OCIAD1: variants seen among roughly 807,000 people sequenced by gnomAD.
OCIAD1 encodes OCIA domain-containing protein 1.
A neutral mutation model predicts 38.9 loss-of-function variants in OCIAD1; 29 were observed. That is an observed-to-expected ratio of 0.74 (90% CI 0.55 to 1.02). The LOEUF (loss-of-function observed/expected upper bound fraction) is 1.02, where lower values mean the gene tolerates loss of function less well. OCIAD1 is among the 50% of genes least tolerant of loss of function. OCIAD1 has a pLI of 0.00. For synonymous variants in OCIAD1, 110 were observed against 92.0 expected, an observed-to-expected ratio of 1.20 and a Z score of -1.12; for missense variants, 288 against 289.6, an observed-to-expected ratio of 0.99 and a Z score of 0.04.
intron 7 of OCIAD1, among the ~76,000 whole-genome samples, chr4:48,852,882 G>GTTTTTTGTTTTTTT (rs1553901200): frequency 1.6e-5 from 2 of 126,308 alleles, no homozygotes; most frequent in African/African-American, 6.3e-5. Context: ...TTTGTTTTTT[G>GTTTTTTGTTTTTTT]TTTTTTTTTT....
At position 48,858,645 on chromosome 4, in the gene OCIAD1, G is replaced by C. The variant is rs74664872; in HGVS notation, c.700+1280G>C. On this transcript the variant is annotated intron_variant, in intron 8 of 8. Coordinates refer to ENST00000264312, the MANE Select transcript of OCIAD1 (RefSeq NM_017830.4). The stretch of plus-strand genomic sequence containing the variant: ...TTAAAAATTTTTTTTGGTGCAGTGG[G>C]TTTTTCCCTATGTTGCCAAGGCTGG... Among the ~76,000 whole-genome samples, 845 of 152,162 alleles carry C rather than the reference G, an allele frequency of 5.6e-3. 3 individuals carry two copies. Among genetic ancestry groups the C allele is most frequent in the Middle Eastern group, 0.014 (4 of 294 alleles).
At chr4:48,816,298 T>C (rs1777141908) in intron 1 of OCIAD1, among the ~76,000 whole-genome samples, 1 of 152,226 alleles carries the variant, frequency 6.6e-6, no homozygotes, top group African/African-American at 2.4e-5. Context: ...GATCAGGACA[T>C]CTATATAGCG....
chr4:48,837,508 G>A (rs965205029), intron 3 of OCIAD1, among the ~76,000 whole-genome samples: 1 of 151,816 alleles, frequency 6.6e-6, no homozygotes, highest in African/African-American at 2.4e-5. Context: ...GGCCAGGCTG[G>A]TCTCGAGCTC....
intron 1 of OCIAD1, among the ~76,000 whole-genome samples, chr4:48,823,824 CTTTTTTTTTT>C (rs71660459): frequency 2.9e-5 from 2 of 70,130 alleles, no homozygotes; most frequent in Non-Finnish European, 4.8e-5. Context: ...CAATGCCTGG[CTTTTTTTTTT>C]TTTTTTTTTT....
At chr4:48,807,727 T>G (rs1483307324) in intron 1 of OCIAD1, among the ~76,000 whole-genome samples, 1 of 152,210 alleles carries the variant, frequency 6.6e-6, no homozygotes, top group African/African-American at 2.4e-5. Context: ...TTCTCATCTC[T>G]GATGATTCTG....
At chr4:48,852,239 T>G (rs1187951874) in intron 7 of OCIAD1, 2 of 325,348 alleles carry the variant, frequency 6.1e-6, no homozygotes, top group African/African-American at 4.3e-5. Flanking sequence ...TTAGAAGATA[T>G]AGAAATACAA....
intron 8 of OCIAD1, among the ~76,000 whole-genome samples, chr4:48,858,043 A>G (rs1215350681): frequency 6.6e-6 from 1 of 152,040 alleles, no homozygotes; most frequent in African/African-American, 2.4e-5. Context: ...AATCCTAGCT[A>G]CTCGGGAGGC....
At chr4:48,839,422 C>T (rs143913149) in intron 3 of OCIAD1, among the ~76,000 whole-genome samples, 2,387 of 131,836 alleles carry the variant, frequency 0.018, 36 homozygotes, top group Non-Finnish European at 0.027. Context: ...GGTGACAAAG[C>T]GAGACTTCAT....
Position 48,860,782 on chromosome 4 carries a change from TGAA to T in OCIAD1, c.*22_*24del. On this transcript the variant is annotated 3_prime_UTR_variant, in exon 9 of 9. Transcript: ENST00000264312. The stretch of plus-strand genomic sequence containing the variant: ...GAGTGAAAAATTACATCATTGGACA[TGAA>T]GGAGTTTCAACATCCAGCTTCATCT... The T allele has an allele frequency of 6.3e-7, 1 of 1,588,644 alleles. No individual in the cohort carries two copies. The highest frequency in any genetic ancestry group is 1.1e-5 in the South Asian group (1 of 89,960).
At chr4:48,831,629 A>AC in intron 1 of OCIAD1, 1 of 1,072,004 alleles carries the variant, frequency 9.3e-7, no homozygotes, top group Non-Finnish European at 1.3e-6. Context: ...CAGCCCTGAC[A>AC]GTCTTCCTGG....
At chr4:48,850,658 C>A (rs1022714310) in intron 6 of OCIAD1, among the ~76,000 whole-genome samples, 22 of 152,204 alleles carry the variant, frequency 1.4e-4, no homozygotes, top group African/African-American at 5.3e-4. Context: ...ACTGCAACCT[C>A]TGCCTCCTGG....
At chr4:48,837,634 C>T (rs1778127168) in intron 3 of OCIAD1, among the ~76,000 whole-genome samples, 1 of 148,164 alleles carries the variant, frequency 6.7e-6, no homozygotes, top group South Asian at 2.1e-4. Context: ...TATACTCCAG[C>T]AACAGTTCTT....
intron 1 of OCIAD1, among the ~76,000 whole-genome samples, chr4:48,810,593 T>C (rs902461448): frequency 1.3e-5 from 2 of 151,908 alleles, no homozygotes; most frequent in African/African-American, 4.8e-5. Context: ...CACCAATGAC[T>C]ACAATTTATT....
chr4:48,837,137 A>G (rs1031688609), intron 3 of OCIAD1: 2 of 148,358 alleles, frequency 1.3e-5, no homozygotes, highest in African/African-American at 5.0e-5. Context: ...ATACCTGGCT[A>G]TTTTTTTTTG....
chr4:48,831,450 C>T (rs1777482376), intron 1 of OCIAD1: 1 of 1,271,970 alleles, frequency 7.9e-7, no homozygotes, highest in Non-Finnish European at 1.0e-6. Flanking sequence ...TGGGGAAGTT[C>T]GTGGTCACGG....
At chr4:48,807,858 T>C (rs1274344775) in intron 1 of OCIAD1, among the ~76,000 whole-genome samples, 1 of 152,226 alleles carries the variant, frequency 6.6e-6, no homozygotes, top group Non-Finnish European at 1.5e-5. Context: ...TTTCACTCTT[T>C]TGCTACTATG....
intron 4 of OCIAD1, among the ~76,000 whole-genome samples, chr4:48,846,700 A>G (rs1246844322): frequency 6.6e-6 from 1 of 151,616 alleles, no homozygotes. Context: ...GTGAGCTGAG[A>G]TGGCGCCACT....
chr4:48,839,869 T>C lies in OCIAD1; in HGVS notation c.140-2767T>C, dbSNP rs1258839216. Among the ~76,000 whole-genome samples, 4 of 152,174 alleles carry C rather than the reference T, an allele frequency of 2.6e-5. No individual in the cohort carries two copies. The South Asian group carries it at 8.3e-4, about 32-fold the overall frequency. ...GACAGATTATTTAACAAAATAGATATTACATACTGTAGTGGAAAAGGCCAC... is the reference window on the plus strand; with the variant it reads ...GACAGATTATTTAACAAAATAGATACTACATACTGTAGTGGAAAAGGCCAC... On this transcript the variant is annotated intron_variant, in intron 3 of 8. Transcript: ENST00000264312.
At chr4:48,833,020 A>G (rs1340335579) in intron 2 of OCIAD1, among the ~76,000 whole-genome samples, 1 of 151,882 alleles carries the variant, frequency 6.6e-6, no homozygotes, top group Non-Finnish European at 1.5e-5. Context: ...GGAGGCTGAG[A>G]TGGGTGGAAC....
Sources: gnomAD v4.1 joint callset for allele counts (sites outside exome capture counted in the v4.1 genomes callset) on GRCh38, gnomAD v4.1.1 for gene constraint, MANE v1.5 for transcripts, NCBI Gene and HGNC (gene_info 2026-07-23, HGNC 2026-07-21) for gene names.